The following RNF128 variants were observed in gnomAD, a reference collection of about 807,000 sequenced individuals.
The protein encoded by RNF128 is ring finger protein 128.
A neutral mutation model predicts 26.2 loss-of-function variants in RNF128; 13 were observed. The ratio of observed to expected loss-of-function variants is 0.50; its 90% CI spans 0.32 to 0.79. The LOEUF is 0.79. Ranked by LOEUF, RNF128 falls within the 30% of genes least tolerant of loss-of-function variation. The pLI is 0.03. For synonymous variants in RNF128, 149 were observed against 142.5 expected, an observed-to-expected ratio of 1.05 and a Z score of -0.32; for missense variants, 315 against 349.7, an observed-to-expected ratio of 0.90 and a Z score of 0.79.
At chrX:106,744,806 TGTG>T (rs1203100442) in intron 1 of RNF128, among the ~76,000 whole-genome samples, 1 of 112,074 alleles carries the variant, frequency 8.9e-6, no homozygotes, top group Non-Finnish European at 1.9e-5. Context: ...TAATTTCTAA[TGTG>T]GTAAATATCA....
At chrX:106,773,231 T>G (rs1930408558) in intron 2 of RNF128, 71 bp downstream of exon 2, 4 of 1,007,039 alleles carry the variant, frequency 4.0e-6, no homozygotes, top group Non-Finnish European at 5.4e-6. Context: ...GGGTCCTGCA[T>G]TTTAATACAT....
At chrX:106,777,400 T>G (rs1930484936) in intron 2 of RNF128, among the ~76,000 whole-genome samples, 1 of 112,309 alleles carries the variant, frequency 8.9e-6, no homozygotes, top group South Asian at 3.7e-4. Flanking sequence ...GAATTGTTCC[T>G]TTGAACCTGT....
chrX:106,789,624 T>A (rs1930784269), intron 4 of RNF128, among the ~76,000 whole-genome samples: 1 of 105,219 alleles, frequency 9.5e-6, no homozygotes, highest in South Asian at 4.0e-4. Context: ...GGATTAATGT[T>A]AAATTTATTC....
chrX:106,773,856 CT>C (rs1930420013), intron 2 of RNF128, among the ~76,000 whole-genome samples: 2 of 111,529 alleles, frequency 1.8e-5, no homozygotes, highest in Admixed American at 1.9e-4. Context: ...CCTCAGCCCC[CT>C]GATATGCTCA....
At chrX:106,716,972 G>A (rs1266150209) in intron 1 of RNF128, among the ~76,000 whole-genome samples, 1 of 110,860 alleles carries the variant, frequency 9.0e-6, no homozygotes, top group Admixed American at 9.6e-5. Flanking sequence ...GGAGGCCGAG[G>A]CGGGCAGATC....
intron 5 of RNF128, 124 bp downstream of exon 5, chrX:106,790,406 A>G: frequency 2.4e-6 from 1 of 411,153 alleles, no homozygotes; most frequent in South Asian, 5.5e-5. Flanking sequence ...CTAAAACCAG[A>G]CATATTTATA....
intron 2 of RNF128, among the ~76,000 whole-genome samples, chrX:106,780,174 G>T (rs1191151054): frequency 4.5e-5 from 5 of 111,024 alleles, no homozygotes; most frequent in African/African-American, 1.6e-4. Context: ...AAAGCTGAAC[G>T]CCCTGGGACC....
At chrX:106,789,093 GTATA>G (rs1356198034) in intron 4 of RNF128, among the ~76,000 whole-genome samples, 1 of 81,638 alleles carries the variant, frequency 1.2e-5, no homozygotes, top group Admixed American at 1.6e-4. Flanking sequence ...ATAGTATATA[GTATA>G]TATATACTAT....
intron 3 of RNF128, among the ~76,000 whole-genome samples, chrX:106,786,435 A>G (rs1443151147): frequency 8.9e-6 from 1 of 111,854 alleles, no homozygotes; most frequent in East Asian, 2.8e-4. Flanking sequence ...TCCATTCTTC[A>G]TACCCTATGT....
upstream of RNF128, among the ~76,000 whole-genome samples, chrX:106,723,773 T>C (rs1419918227): frequency 3.6e-5 from 4 of 110,649 alleles, no homozygotes; most frequent in Non-Finnish European, 7.5e-5. Flanking sequence ...ATCCTTACTC[T>C]CTTTGCTTGG....
At chrX:106,778,673 C>T (rs781554606) in intron 2 of RNF128, among the ~76,000 whole-genome samples, 1 of 111,528 alleles carries the variant, frequency 9.0e-6, no homozygotes, top group South Asian at 3.8e-4. Context: ...GTAAGCAGTC[C>T]CTTCATCTGA....
At chrX:106,745,252 A>G (rs1929775135) in intron 1 of RNF128, among the ~76,000 whole-genome samples, 1 of 111,699 alleles carries the variant, frequency 9.0e-6, no homozygotes, top group Non-Finnish European at 1.9e-5. Flanking sequence ...TGTACTCTAC[A>G]TTAGCTATGT....
chrX:106,795,446 G>C, intron 6 of RNF128, 134 bp from the exon 7 acceptor site: 1 of 491,978 alleles, frequency 2.0e-6, no homozygotes, highest in Non-Finnish European at 3.3e-6. Context: ...AATTATTAGA[G>C]GTACAGGGAA....
At chrX:106,757,788 C>T (rs911393208) in intron 1 of RNF128, among the ~76,000 whole-genome samples, 1 of 111,435 alleles carries the variant, frequency 9.0e-6, no homozygotes, top group Admixed American at 9.6e-5. Flanking sequence ...AAGGAACATA[C>T]CTCATTGCAA....
At chrX:106,707,306 A>G (rs1929058710) in intron 1 of RNF128, among the ~76,000 whole-genome samples, 1 of 111,583 alleles carries the variant, frequency 9.0e-6, no homozygotes, top group East Asian at 2.8e-4. Context: ...TGAACAGCTC[A>G]AGTTTTTAGA....
chrX:106,775,005 G>A (rs2147696230), intron 2 of RNF128, among the ~76,000 whole-genome samples: 1 of 111,897 alleles, frequency 8.9e-6, no homozygotes, highest in South Asian at 3.8e-4. Flanking sequence ...TTAGATACCA[G>A]CATATGGTAA....
chrX:106,726,790 C>G lies in RNF128; in HGVS notation c.-124C>G. On this transcript the variant is annotated 5_prime_UTR_variant, in exon 1 of 7. Coordinates refer to ENST00000255499, the MANE Select transcript of RNF128 (RefSeq NM_194463.2). The stretch of plus-strand genomic sequence containing the variant: ...CGTGCCTCCTGGCTCCGACGTAGCT[C>G]GCAGCTCCCCAGTCTCACTCCATTC... The G allele has an allele frequency of 1.9e-6, 2 of 1,069,827 alleles. No individual in the cohort carries two copies. Among genetic ancestry groups the G allele is most frequent in the Non-Finnish European group, 2.4e-6 (2 of 833,304 alleles). The allele number at this position is 1,069,827 out of a possible 1,213,427, so 88.2% of individuals were successfully genotyped here. A position where few individuals can be genotyped will look rare whatever the true frequency, so the allele number is the denominator to read the frequency against.
chrX:106,780,281 C>T (rs1672469305), intron 2 of RNF128, among the ~76,000 whole-genome samples: 1 of 111,674 alleles, frequency 9.0e-6, no homozygotes, highest in Admixed American at 9.6e-5. Context: ...TTGCTTTCAC[C>T]ATAATTTCAA....
chrX:106,754,410 CTTTTTTTTTT>C (rs150895665), intron 1 of RNF128, among the ~76,000 whole-genome samples: 37 of 35,766 alleles, frequency 1.0e-3, no homozygotes, highest in Middle Eastern at 0.026. Flanking sequence ...TTTTCTTTCT[CTTTTTTTTTT>C]TTTTTTTTTT....
Sources: gnomAD v4.1 joint callset for allele counts (sites outside exome capture counted in the v4.1 genomes callset) on GRCh38, gnomAD v4.1.1 for gene constraint, MANE v1.5 for transcripts, NCBI Gene and HGNC (gene_info 2026-07-23, HGNC 2026-07-21) for gene names.